DDR2: variants seen among roughly 807,000 people sequenced by gnomAD.
DDR2 encodes discoidin domain-containing receptor 2.
In DDR2, 27 loss-of-function variants were observed where a neutral mutation model predicts 94.9. That is an observed-to-expected ratio of 0.28 (90% CI 0.21 to 0.39). The LOEUF (loss-of-function observed/expected upper bound fraction) is 0.39. Ranked by LOEUF, DDR2 falls within the 10% of genes least tolerant of loss-of-function variation. DDR2 has a pLI of 1.00. For synonymous variants in DDR2, 382 were observed against 377.2 expected, an observed-to-expected ratio of 1.01 and a Z score of -0.15; for missense variants, 783 against 1,076.0, an observed-to-expected ratio of 0.73 and a Z score of 3.81.
intron 2 of DDR2, among the ~76,000 whole-genome samples, chr1:162,676,441 G>A (rs1213803982): frequency 6.6e-6 from 1 of 152,140 alleles, no homozygotes; most frequent in African/African-American, 2.4e-5. Context: ...AATCCTGAAG[G>A]AGGAGAAAAT....
chr1:162,679,928 C>T (rs1041180140), intron 2 of DDR2, among the ~76,000 whole-genome samples: 7 of 152,050 alleles, frequency 4.6e-5, no homozygotes, highest in African/African-American at 1.7e-4. Flanking sequence ...GCCGCATGTA[C>T]GTCTTTTTTT....
At chr1:162,704,291 G>A (rs1660557712) in intron 2 of DDR2, among the ~76,000 whole-genome samples, 1 of 152,044 alleles carries the variant, frequency 6.6e-6, no homozygotes, top group Non-Finnish European at 1.5e-5. Context: ...AAAATGCCTT[G>A]GAGCAATGGA....
chr1:162,758,436 A>G (rs1663561762), intron 7 of DDR2, among the ~76,000 whole-genome samples: 2 of 152,268 alleles, frequency 1.3e-5, no homozygotes, highest in African/African-American at 4.8e-5. Flanking sequence ...TCTTCACTTG[A>G]TTTAATTTTG....
chr1:162,750,745 A>G (rs1663146820), intron 3 of DDR2, among the ~76,000 whole-genome samples: 1 of 152,198 alleles, frequency 6.6e-6, no homozygotes, highest in African/African-American at 2.4e-5. Context: ...ACTTCAAACT[A>G]TACTACAAGG....
chr1:162,767,389 A>G, intron 11 of DDR2, 30 bp downstream of exon 11: 2 of 1,612,664 alleles, frequency 1.2e-6, no homozygotes, highest in East Asian at 4.5e-5. Flanking sequence ...TCATGATATA[A>G]GAAACTGCTC....
intron 10 of DDR2, 41 bp from the exon 11 acceptor site, chr1:162,767,188 G>A: frequency 6.2e-7 from 1 of 1,613,790 alleles, no homozygotes; most frequent in East Asian, 2.2e-5. Context: ...TACTTGACCT[G>A]TGAGATGATT....
chr1:162,749,659 G>T (rs1382567574), intron 3 of DDR2, among the ~76,000 whole-genome samples: 1 of 152,136 alleles, frequency 6.6e-6, no homozygotes, highest in East Asian at 1.9e-4. Flanking sequence ...CATTTTATAA[G>T]GCCAGCATCA....
chr1:162,715,920 G>A (rs942508843), intron 2 of DDR2, among the ~76,000 whole-genome samples: 2 of 152,294 alleles, frequency 1.3e-5, no homozygotes, highest in African/African-American at 4.8e-5. Flanking sequence ...GCAGCTTGAA[G>A]CCCGGCAACA....
At chr1:162,775,257 T>TAAA (rs10657730) in intron 14 of DDR2, among the ~76,000 whole-genome samples, 217 of 148,658 alleles carry the variant, frequency 1.5e-3, no homozygotes, top group East Asian at 5.9e-3. Flanking sequence ...TCCATGGCTT[T>TAAA]AAAAAAAAAA....
At chr1:162,721,103 C>A (rs1401900486) in intron 3 of DDR2, among the ~76,000 whole-genome samples, 1 of 152,152 alleles carries the variant, frequency 6.6e-6, no homozygotes, top group African/African-American at 2.4e-5. Context: ...CCTCCTACTA[C>A]ATTCTTCATG....
At chr1:162,737,890 T>A (rs1662389982) in intron 3 of DDR2, among the ~76,000 whole-genome samples, 1 of 151,152 alleles carries the variant, frequency 6.6e-6, no homozygotes, top group Non-Finnish European at 1.5e-5. Context: ...GGTTTTGATT[T>A]GCATTTCTCT....
intron 2 of DDR2, among the ~76,000 whole-genome samples, chr1:162,670,314 G>C (rs1660690341): frequency 6.6e-6 from 1 of 152,172 alleles, no homozygotes; most frequent in South Asian, 2.1e-4. Context: ...CACCATGTTG[G>C]CCAGGCTGGT....
At chr1:162,727,963 A>ATATATCTATATC (rs1661782454) in intron 3 of DDR2, among the ~76,000 whole-genome samples, 1 of 125,624 alleles carries the variant, frequency 8.0e-6, no homozygotes, top group African/African-American at 3.0e-5. Flanking sequence ...ATATATATCT[A>ATATATCTATATC]TATATATATA....
At chr1:162,665,659 T>C (rs1438698957) in intron 2 of DDR2, among the ~76,000 whole-genome samples, 5 of 151,756 alleles carry the variant, frequency 3.3e-5, no homozygotes. Context: ...GAATAAAAAG[T>C]CAACTCCATG....
intron 1 of DDR2, among the ~76,000 whole-genome samples, chr1:162,645,248 C>G (rs1238089159): frequency 2.6e-5 from 4 of 152,200 alleles, no homozygotes; most frequent in Non-Finnish European, 4.4e-5. Flanking sequence ...TGGTATTACT[C>G]AGACCTGAAT....
intron 1 of DDR2, among the ~76,000 whole-genome samples, chr1:162,644,417 T>G (rs1179354339): frequency 3.3e-5 from 5 of 152,194 alleles, no homozygotes; most frequent in Non-Finnish European, 7.3e-5. Flanking sequence ...AAAAATACTT[T>G]CAAATCCATC....
At position 162,770,426 on chromosome 1, in the gene DDR2, G is replaced by C. The variant is rs775098890; in HGVS notation, c.1418G>C (p.Arg473Pro). 1 of 1,613,988 alleles carries C rather than the reference G, an allele frequency of 6.2e-7. No individual in the cohort carries two copies. Among genetic ancestry groups the C allele is most frequent in the Admixed American group, 1.7e-5 (1 of 59,990 alleles). The change falls in exon 12 of 18, where the codon CGC becomes CCC. Residue 473 changes from arginine to proline, a missense_variant. By Grantham distance (103) the Arg-to-Pro change is moderately radical. Around this residue, in one of 2 missense-constraint regions of DDR2, gnomAD observed 519 missense variants for 647.9 expected, o/e 0.80. Coordinates refer to ENST00000367921, the MANE Select transcript of DDR2 (RefSeq NM_006182.4). ...SEQGSNSTYDRIFPLRPDYQE... is the reference protein window; with the variant it reads ...SEQGSNSTYDPIFPLRPDYQE... ...CAAGGGTCCAACTCGACTTACGATC[G>C]CATCTTTCCCCTTCGCCCTGACTAC...
intron 2 of DDR2, among the ~76,000 whole-genome samples, chr1:162,664,777 A>T (rs4336827): frequency 0.53 from 80,088 of 151,858 alleles, 22,922 homozygotes; most frequent in Middle Eastern, 0.66. Flanking sequence ...CAGAAAAATA[A>T]ATGAGTTACA....
At chr1:162,707,175 G>A (rs1660700972) in intron 2 of DDR2, among the ~76,000 whole-genome samples, 1 of 152,092 alleles carries the variant, frequency 6.6e-6, no homozygotes, top group Non-Finnish European at 1.5e-5. Context: ...GGGCCAATCT[G>A]CTTTGTTCTA....
Sources: allele counts gnomAD v4.1 joint callset (sites outside exome capture counted in the v4.1 genomes callset), GRCh38; gene constraint gnomAD v4.1.1; regional missense constraint gnomAD v4.1.1; transcripts MANE v1.5; gene names NCBI Gene and HGNC (gene_info 2026-07-23, HGNC 2026-07-21).